VPS13D: variants seen among roughly 807,000 people sequenced by gnomAD.
The protein encoded by VPS13D is intermembrane lipid transfer protein VPS13D.
Under a neutral mutation model 461.9 loss-of-function variants are expected in VPS13D, and 187 were observed. The observed-to-expected ratio is 0.40, with a 90% CI of 0.36 to 0.46. VPS13D has a LOEUF of 0.46. Ranked by LOEUF, VPS13D falls within the 20% of genes least tolerant of loss-of-function variation. The probability of loss-of-function intolerance (pLI) is 0.60; values close to 1 mark genes in which losing one functional copy is unlikely to be tolerated. For missense variants in VPS13D, 4,711 were observed against 5,364.9 expected, an observed-to-expected ratio of 0.88 and a Z score of 3.81; for synonymous variants, 1,951 against 1,986.3, an observed-to-expected ratio of 0.98 and a Z score of 0.47.
In VPS13D at chr1:12,277,176, A is replaced by C. The variant is rs1641639423; in HGVS notation, c.3588A>C (p.Ala1196=). The C allele has an allele frequency of 2.5e-6, 4 of 1,614,104 alleles. No individual in the cohort carries two copies. The highest frequency in any genetic ancestry group is 3.4e-6 in the Non-Finnish European group (4 of 1,180,040). The change falls in exon 19 of 70, where the codon GCA becomes GCC. Residue 1196 remains alanine (A), a synonymous_variant. Transcript: ENST00000620676. ...REKYGRKIAT[A]SIGGTKVNVS... Reference sequence around the variant, plus strand: ...AATATGGCAGAAAAATTGCAACTGCAAGTATAGGTGGCACCAAAGTTAATG... The same window carrying C: ...AATATGGCAGAAAAATTGCAACTGCCAGTATAGGTGGCACCAAAGTTAATG...
intron 41 of VPS13D, 80 bp downstream of exon 41, chr1:12,341,965 C>A (rs774287499): frequency 4.5e-6 from 6 of 1,345,808 alleles, no homozygotes; most frequent in East Asian, 2.3e-5. Context: ...GCAAGGTGGG[C>A]CCCCTCTTGA....
chr1:12,277,464 T>C lies in VPS13D; in HGVS notation c.3876T>C (p.His1292=). The change falls in exon 19 of 70, where the codon CAT becomes CAC. Residue 1292 remains histidine, a synonymous_variant. Coordinates refer to ENST00000620676, the MANE Select transcript of VPS13D (RefSeq NM_015378.4). The part of the protein sequence containing the change: ...CFLNLKMASL[H]YNHSAKFLKE... ...TCAACCTGAAGATGGCTTCTTTACA[T>C]TATAACCACTCTGCTAAGTTTTTGA... 1 of 1,614,180 alleles carries C rather than the reference T, an allele frequency of 6.2e-7. No individual in the cohort carries two copies. Among genetic ancestry groups the C allele is most frequent in the Non-Finnish European group, 8.5e-7 (1 of 1,180,024 alleles).
chr1:12,277,761 G>A lies in VPS13D; in HGVS notation c.4173G>A (p.Lys1391=), dbSNP rs1557681571. The change falls in exon 19 of 70, where the codon AAG becomes AAA. Residue 1391 remains lysine, a synonymous_variant. Transcript: ENST00000620676. ...CACCAGTTGTTTCTATCCCTCGGAA[G>A]CCGGGGAGTCCTGAGTTGTTGGTGG... ...IESPVVSIPR[K]PGSPELLVGH... 1.9e-6 allele frequency: 3 copies of A among 1,614,114 alleles called. No individual in the cohort carries two copies. The highest frequency in any genetic ancestry group is 1.7e-5 in the Admixed American group (1 of 60,008).
At chr1:12,254,660 T>A in intron 7 of VPS13D, among the ~76,000 whole-genome samples, 1 of 150,472 alleles carries the variant, frequency 6.6e-6, no homozygotes, top group East Asian at 2.0e-4. Flanking sequence ...AATAGCTGGG[T>A]TTACTGGTGC....
intron 67 of VPS13D, among the ~76,000 whole-genome samples, chr1:12,470,674 C>T (rs1004539904): frequency 2.6e-5 from 4 of 152,160 alleles, no homozygotes; most frequent in Non-Finnish European, 5.9e-5. Flanking sequence ...AATCACCAAG[C>T]TGTTTGGTTT....
chr1:12,500,009 C>G (rs1371315176), intron 68 of VPS13D: 1 of 985,310 alleles, frequency 1.0e-6, no homozygotes, highest in Non-Finnish European at 1.2e-6. Context: ...ATACCTTGCT[C>G]TACTGTTCTG....
chr1:12,280,037 A>T (rs1365648072), intron 20 of VPS13D, among the ~76,000 whole-genome samples: 3 of 151,984 alleles, frequency 2.0e-5, no homozygotes, highest in Admixed American at 6.5e-5. Context: ...CTGTGGACAG[A>T]TCCTTTCAAC....
In VPS13D at chr1:12,373,862, A is replaced by G. The variant is rs1397045479; in HGVS notation, c.10917+4A>G. On this transcript the variant is annotated splice_donor_region_variant and intron_variant, in intron 55 of 69. Transcript: ENST00000620676. Reference sequence around the variant, plus strand: ...AAGAGTCATTTTAAAAAAGAAGGTAAGAGAGCTTACAATCAGAGTTTAGAA... The same window carrying G: ...AAGAGTCATTTTAAAAAAGAAGGTAGGAGAGCTTACAATCAGAGTTTAGAA... The G allele has an allele frequency of 1.2e-5, 19 of 1,601,572 alleles. No individual in the cohort carries two copies. In the African/African-American group the frequency reaches 1.9e-4, roughly 16 times the overall value.
chr1:12,336,555 A>G (rs1027723242), intron 39 of VPS13D: 2 of 152,250 alleles, frequency 1.3e-5, no homozygotes, highest in Non-Finnish European at 2.9e-5. Flanking sequence ...TGGACTTCAC[A>G]TAGCTCATGA....
chr1:12,320,057 AT>A (rs1251514328), intron 32 of VPS13D, among the ~76,000 whole-genome samples: 2 of 152,204 alleles, frequency 1.3e-5, no homozygotes, highest in African/African-American at 4.8e-5. Flanking sequence ...AGGGAAACCT[AT>A]TTATACAGAG....
At chr1:12,362,959 C>G in intron 51 of VPS13D, 109 bp downstream of exon 51, 2 of 1,581,510 alleles carry the variant, frequency 1.3e-6, no homozygotes, top group South Asian at 2.4e-5. Flanking sequence ...TGCTCTGTGC[C>G]TTTGGTACCC....
At chr1:12,297,772 T>A (rs1642315643) in intron 24 of VPS13D, among the ~76,000 whole-genome samples, 1 of 152,152 alleles carries the variant, frequency 6.6e-6, no homozygotes, top group Non-Finnish European at 1.5e-5. Flanking sequence ...AAAGACAAGG[T>A]CATTGCCTTC....
chr1:12,300,755 A>G (rs530253130), intron 25 of VPS13D, among the ~76,000 whole-genome samples: 175 of 152,286 alleles, frequency 1.1e-3, no homozygotes, highest in African/African-American at 3.8e-3. Flanking sequence ...CTTAAAGCTG[A>G]GAGGACCTTT....
intron 32 of VPS13D, 56 bp from the exon 33 acceptor site, chr1:12,321,753 T>C (rs537728287): frequency 1.3e-6 from 2 of 1,550,434 alleles, no homozygotes; most frequent in South Asian, 1.3e-5. Flanking sequence ...GTGCTGGTAG[T>C]TGGACCCTTC....
chr1:12,498,118 C>G (rs1645985197), intron 68 of VPS13D, among the ~76,000 whole-genome samples: 1 of 152,116 alleles, frequency 6.6e-6, no homozygotes, highest in Non-Finnish European at 1.5e-5. Context: ...CTTGTCATAT[C>G]TTCAGTTAGT....
In VPS13D at chr1:12,262,052, A is replaced by G; in HGVS notation, c.1566A>G (p.Glu522=). The change falls in exon 13 of 70, where the codon GAA becomes GAG. Residue 522 remains glutamate (E), a synonymous_variant. Coordinates refer to ENST00000620676, the MANE Select transcript of VPS13D (RefSeq NM_015378.4). ...AGCAAGGAACTCCTCAAATGAATGA[A>G]AGTGCTTTCATGCAGCTCGAGTTTT... ...HKEQGTPQMN[E]SAFMQLEFSD... is the part of the protein sequence containing the mutation. 6.2e-7 allele frequency: 1 copy of G among 1,613,000 alleles called. No homozygotes were observed. The highest frequency in any genetic ancestry group is 8.5e-7 in the Non-Finnish European group (1 of 1,179,298).
chr1:12,506,541 T>C (rs938788488), intron 68 of VPS13D, among the ~76,000 whole-genome samples: 2 of 152,258 alleles, frequency 1.3e-5, no homozygotes, highest in African/African-American at 4.8e-5. Flanking sequence ...CGCCCCTTCA[T>C]GTTTCCCTCT....
intron 67 of VPS13D, among the ~76,000 whole-genome samples, chr1:12,478,186 A>T (rs1645659413): frequency 6.6e-6 from 1 of 152,252 alleles, no homozygotes; most frequent in Non-Finnish European, 1.5e-5. Flanking sequence ...GTCATGAGCA[A>T]ACAGTCAGTG....
chr1:12,383,266 G>C, intron 58 of VPS13D, 111 bp downstream of exon 58: 6 of 1,101,994 alleles, frequency 5.4e-6, no homozygotes, highest in Non-Finnish European at 7.5e-6. Context: ...ATGAAGATAT[G>C]GTATCTTCAT....
Sources: allele counts gnomAD v4.1 joint callset (sites outside exome capture counted in the v4.1 genomes callset), GRCh38; gene constraint gnomAD v4.1.1; transcripts MANE v1.5; gene names NCBI Gene and HGNC (gene_info 2026-07-23, HGNC 2026-07-21).